The following GADL1 variants were observed in gnomAD, a reference collection of about 807,000 sequenced individuals.
The protein encoded by GADL1 is GAD like acidic amino acid decarboxylase 1.
Under a neutral mutation model 69.5 loss-of-function variants are expected in GADL1, and 71 were observed. That is an observed-to-expected ratio of 1.02 (90% CI 0.84 to 1.25). The LOEUF is 1.25. Ranked by LOEUF, GADL1 falls within the 50% of genes most tolerant of loss-of-function variation. The pLI is 0.00. For missense variants in GADL1, 737 were observed against 631.8 expected, an observed-to-expected ratio of 1.17 and a Z score of -1.79; for synonymous variants, 254 against 214.4, an observed-to-expected ratio of 1.18 and a Z score of -1.62.
intron 1 of GADL1, among the ~76,000 whole-genome samples, chr3:30,869,763 A>T (rs1021971971): frequency 6.6e-6 from 1 of 151,838 alleles, no homozygotes; most frequent in African/African-American, 2.4e-5. Flanking sequence ...TGAGATAGTC[A>T]TAAAATATTG....
intron 2 of GADL1, among the ~76,000 whole-genome samples, chr3:30,860,600 G>A (rs1448342442): frequency 6.6e-6 from 1 of 151,886 alleles, no homozygotes; most frequent in Non-Finnish European, 1.5e-5. Context: ...TTTCCGAAAG[G>A]CATGTGATCA....
intron 14 of GADL1, among the ~76,000 whole-genome samples, chr3:30,753,940 A>G (rs1695899400): frequency 1.3e-5 from 2 of 152,018 alleles, no homozygotes; most frequent in Non-Finnish European, 2.9e-5. Flanking sequence ...ATTGCCTAAA[A>G]TGACATCACT....
At chr3:30,859,982 C>G (rs1270766080) in intron 2 of GADL1, among the ~76,000 whole-genome samples, 5 of 151,558 alleles carry the variant, frequency 3.3e-5, no homozygotes, top group Admixed American at 2.6e-4. Flanking sequence ...CTCTTTTTTT[C>G]TGGGCAAAAA....
intron 1 of GADL1, among the ~76,000 whole-genome samples, chr3:30,877,411 T>A (rs1409364284): frequency 6.6e-6 from 1 of 151,912 alleles, no homozygotes; most frequent in Admixed American, 6.6e-5. Flanking sequence ...GCCATCAACT[T>A]GAAAAATAAG....
chr3:30,866,893 C>G (rs984128043), intron 1 of GADL1, among the ~76,000 whole-genome samples: 1 of 152,072 alleles, frequency 6.6e-6, no homozygotes, highest in Admixed American at 6.6e-5. Flanking sequence ...CAATAGCTCT[C>G]TGAGGACTGA....
intron 1 of GADL1, among the ~76,000 whole-genome samples, chr3:30,892,766 C>T (rs973712802): frequency 2.3e-4 from 35 of 152,316 alleles, no homozygotes; most frequent in African/African-American, 7.2e-4. Flanking sequence ...TTTTAACCAT[C>T]CTTCCTTCAC....
chr3:30,758,122 C>T (rs141534267), intron 14 of GADL1, among the ~76,000 whole-genome samples: 194 of 152,294 alleles, frequency 1.3e-3, no homozygotes, highest in African/African-American at 4.2e-3. Flanking sequence ...AAAACCAAAT[C>T]TGGATGATAC....
At chr3:30,807,460 T>C (rs1697274894) in intron 11 of GADL1, among the ~76,000 whole-genome samples, 1 of 152,228 alleles carries the variant, frequency 6.6e-6, no homozygotes, top group Admixed American at 6.5e-5. Context: ...TCAAATGGAA[T>C]GGATCCTGAC....
chr3:30,796,421 T>C (rs561345852), intron 12 of GADL1, among the ~76,000 whole-genome samples: 1 of 152,254 alleles, frequency 6.6e-6, no homozygotes, highest in South Asian at 2.1e-4. Context: ...ATAAGAAGAA[T>C]TGACACACTC....
At chr3:30,777,445 C>T (rs1696563472) in intron 14 of GADL1, among the ~76,000 whole-genome samples, 1 of 152,138 alleles carries the variant, frequency 6.6e-6, no homozygotes, top group Admixed American at 6.5e-5. Flanking sequence ...AGTGAAACTC[C>T]CATGGGTTCA....
chr3:30,884,961 G>C (rs940099968), intron 1 of GADL1, among the ~76,000 whole-genome samples: 1 of 151,978 alleles, frequency 6.6e-6, no homozygotes, highest in African/African-American at 2.4e-5. Context: ...ATTAGAGTCA[G>C]AACCCAAGCC....
At position 30,857,111 on chromosome 3, in the gene GADL1, T is replaced by C. The variant is rs1698240603; in HGVS notation, c.241A>G (p.Lys81Glu). 1.3e-6 allele frequency: 2 copies of C among 1,550,234 alleles called. No individual in the cohort carries two copies. The highest frequency in any genetic ancestry group is 1.7e-6 in the Non-Finnish European group (2 of 1,145,878). The change falls in exon 3 of 15, where the codon AAA becomes GAA. Residue 81 changes from lysine to glutamate, a missense_variant. By Grantham distance (56) the Lys-to-Glu change is moderately conservative (BLOSUM62 1). Transcript: ENST00000282538. Reference protein sequence around the residue: ...VCEWRPPEQLKQLLDLEMRDS... With the variant: ...VCEWRPPEQLEQLLDLEMRDS... ...CTCATCTCCAAATCAAGAAGCTGTT[T>C]CAGTTGTTCAGGAGGCCTCCATTCA...
intron 8 of GADL1, among the ~76,000 whole-genome samples, chr3:30,840,607 TTTAAG>T (rs1209155794): frequency 1.3e-5 from 2 of 152,200 alleles, no homozygotes; most frequent in African/African-American, 4.8e-5. Context: ...ACTAAAACCA[TTTAAG>T]TTGTCTTTAA....
chr3:30,750,109 A>G (rs1324806139), intron 14 of GADL1, among the ~76,000 whole-genome samples: 1 of 152,160 alleles, frequency 6.6e-6, no homozygotes, highest in Non-Finnish European at 1.5e-5. Context: ...TTCTTCATCA[A>G]AGTAAATTAG....
chr3:30,801,967 C>T (rs1378433730), intron 11 of GADL1, among the ~76,000 whole-genome samples: 1 of 152,130 alleles, frequency 6.6e-6, no homozygotes, highest in Non-Finnish European at 1.5e-5. Context: ...TGTCTTATAC[C>T]ATTTGCTTGA....
chr3:30,862,214 A>T lies in GADL1; in HGVS notation c.38-449T>A, dbSNP rs145396739. 2.1e-3 allele frequency among the ~76,000 whole-genome samples: 324 copies of T among 152,110 alleles called. 1 individual carries two copies. Among genetic ancestry groups the T allele is most frequent in the Non-Finnish European group, 3.5e-3 (239 of 67,936 alleles). ...TAAATATTCATTGGCATTTCTACAC[A>T]TGCACAAATGATTAAGTGATTTCCC... is the stretch of plus-strand genomic sequence containing the variant. On this transcript the variant is annotated intron_variant, in intron 1 of 14. Transcript: ENST00000282538.
In GADL1 at chr3:30,816,530, C is replaced by CTTTTTTTTT. The variant is rs773530741; in HGVS notation, c.1051-15451_1051-15443dup. On this transcript the variant is annotated intron_variant, in intron 11 of 14. Coordinates refer to ENST00000282538, the MANE Select transcript of GADL1 (RefSeq NM_207359.3). ...AGACCATATATTCTTAATTTGTTTT[C>CTTTTTTTTT]TTTTTTTTTTTTTTTTTTTTTTTTT... Among the ~76,000 whole-genome samples the CTTTTTTTTT allele has an allele frequency of 2.0e-3, 108 of 53,982 alleles. 33 individuals are homozygous for CTTTTTTTTT. Among genetic ancestry groups the CTTTTTTTTT allele is most frequent in the Non-Finnish European group, 3.1e-3 (79 of 25,430 alleles). 35.4% of individuals were successfully genotyped at this position (53,982 alleles called of 152,430 possible). A position where few individuals can be genotyped will look rare whatever the true frequency, so the allele number is the denominator to read the frequency against.
chr3:30,859,358 G>T (rs919020310), intron 2 of GADL1, among the ~76,000 whole-genome samples: 5 of 152,030 alleles, frequency 3.3e-5, no homozygotes, highest in Middle Eastern at 3.4e-3. Context: ...GACTACTGGC[G>T]CATTCAACAA....
chr3:30,814,939 G>C (rs538083535), intron 11 of GADL1, among the ~76,000 whole-genome samples: 1 of 151,572 alleles, frequency 6.6e-6, no homozygotes, highest in South Asian at 2.1e-4. Flanking sequence ...ACTCCAGCCT[G>C]GGTGACAGAG....
Sources: allele counts gnomAD v4.1 joint callset (sites outside exome capture counted in the v4.1 genomes callset), GRCh38; gene constraint gnomAD v4.1.1; transcripts MANE v1.5; gene names NCBI Gene and HGNC (gene_info 2026-07-23, HGNC 2026-07-21).